Variants in KLHL29 observed in about 807,000 individuals in gnomAD.
KLHL29 encodes kelch-like protein 29.
Under a neutral mutation model 80.4 loss-of-function variants are expected in KLHL29, and 21 were observed. The ratio of observed to expected loss-of-function variants is 0.26; its 90% CI spans 0.19 to 0.38. The LOEUF (loss-of-function observed/expected upper bound fraction) is 0.38. KLHL29 is among the 10% of genes least tolerant of loss of function. KLHL29 has a pLI of 1.00. For missense variants in KLHL29, 867 were observed against 1,223.9 expected (o/e 0.71, Z 4.35); for synonymous variants, 511 against 526.8 (o/e 0.97, Z 0.41).
In KLHL29 at chr2:23,696,254, C is replaced by T; in HGVS notation, c.1925-79C>T. 3 of 1,499,310 alleles carry T rather than the reference C, an allele frequency of 2.0e-6. No individual in the cohort carries two copies. The highest frequency in any genetic ancestry group is 2.7e-6 in the Non-Finnish European group (3 of 1,105,348). The allele number at this position is 1,499,310 out of a possible 1,614,324, so 92.9% of individuals were successfully genotyped here. On this transcript the variant is annotated intron_variant, in intron 10 of 13. Transcript: ENST00000486442. The surrounding 1 kb of genome is among the most constrained non-coding windows in gnomAD (Gnocchi z 5.5). Reference sequence around the variant, plus strand: ...TCTACTTTGCAGGTGAAGCCTTCCTCTGCCCCTGGGGCTGGGCCTGCTGAC... The same window carrying T: ...TCTACTTTGCAGGTGAAGCCTTCCTTTGCCCCTGGGGCTGGGCCTGCTGAC...
intron 5 of KLHL29, among the ~76,000 whole-genome samples, chr2:23,671,523 C>T (rs922662559): frequency 6.6e-6 from 1 of 152,176 alleles, no homozygotes; most frequent in African/African-American, 2.4e-5. Context: ...GCTCCTCATC[C>T]CTTATGGAGG....
chr2:23,406,457 T>C (rs1666735288), intron 1 of KLHL29, among the ~76,000 whole-genome samples: 1 of 152,260 alleles, frequency 6.6e-6, no homozygotes, highest in South Asian at 2.1e-4. Flanking sequence ...ACATGAAATT[T>C]TGCATCTTGC....
intron 2 of KLHL29, among the ~76,000 whole-genome samples, chr2:23,500,973 G>T (rs2103454492): frequency 6.6e-6 from 1 of 152,284 alleles, no homozygotes; most frequent in Admixed American, 6.5e-5. Context: ...GTCTGCGGCG[G>T]AGCATCTCCC....
At chr2:23,659,472 G>T (rs1005840311) in intron 5 of KLHL29, among the ~76,000 whole-genome samples, 2 of 152,174 alleles carry the variant, frequency 1.3e-5, no homozygotes, top group Non-Finnish European at 2.9e-5. Context: ...CAGCCCCAGA[G>T]CCTTGTCCTC....
intron 3 of KLHL29, among the ~76,000 whole-genome samples, chr2:23,631,020 T>C (rs1669453716): frequency 1.3e-5 from 2 of 152,116 alleles, no homozygotes; most frequent in African/African-American, 4.8e-5. Flanking sequence ...TGATTGGTGG[T>C]TTCCACTTAA....
At chr2:23,389,122 G>A (rs1342438234) in intron 1 of KLHL29, among the ~76,000 whole-genome samples, 1 of 151,602 alleles carries the variant, frequency 6.6e-6, no homozygotes, top group African/African-American at 2.4e-5. Flanking sequence ...TTTTCTAGTA[G>A]TGGTCAAAGC....
intron 3 of KLHL29, among the ~76,000 whole-genome samples, chr2:23,629,854 TGA>T (rs1280074368): frequency 2.0e-5 from 3 of 151,856 alleles, no homozygotes; most frequent in African/African-American, 7.3e-5. Context: ...CCAACAATCC[TGA>T]GAGAGGGAGA....
In KLHL29 at chr2:23,543,229, A is replaced by G. The variant is rs533149670; in HGVS notation, c.-45-18923A>G. Among the ~76,000 whole-genome samples, 3 of 152,312 alleles carry G rather than the reference A, an allele frequency of 2.0e-5. No individual in the cohort carries two copies. In the South Asian group the frequency reaches 6.2e-4, roughly 32 times the overall value. ...CGAGTCACTCGCACACACATTCTGC[A>G]CATGTCGGCAAGAACTCATTACACG... On this transcript the variant is annotated intron_variant, in intron 2 of 13. Transcript: ENST00000486442.
At chr2:23,533,564 C>T (rs1053176249) in intron 2 of KLHL29, among the ~76,000 whole-genome samples, 2 of 152,170 alleles carry the variant, frequency 1.3e-5, no homozygotes, top group Non-Finnish European at 2.9e-5. Flanking sequence ...GGCGCTGGCT[C>T]GCAGATCAAA....
In KLHL29 at chr2:23,647,122, T is replaced by A. The variant is rs1329709316; in HGVS notation, c.940+4272T>A. ...CTGGTCAAGCCATTTAACTTAGGGA[T>A]GGGGACCCCTTCCCTAAAAGGGAGG... On this transcript the variant is annotated intron_variant, in intron 5 of 13. Coordinates refer to ENST00000486442, the MANE Select transcript of KLHL29 (RefSeq NM_052920.2). This position sits in a 1 kb window ranked among gnomAD's most constrained non-coding sequence, Gnocchi z 4.9. Among the ~76,000 whole-genome samples the A allele has an allele frequency of 6.6e-6, 1 of 152,162 alleles. No homozygotes were observed. The highest frequency in any genetic ancestry group is 1.5e-5 in the Non-Finnish European group (1 of 68,004).
intron 3 of KLHL29, among the ~76,000 whole-genome samples, chr2:23,631,432 T>G (rs1253562589): frequency 6.6e-6 from 1 of 152,246 alleles, no homozygotes; most frequent in Non-Finnish European, 1.5e-5. Context: ...TAAACCATCA[T>G]GCAGTTTCCG....
At chr2:23,408,569 A>G (rs1006019659) in intron 1 of KLHL29, among the ~76,000 whole-genome samples, 6 of 152,168 alleles carry the variant, frequency 3.9e-5, no homozygotes, top group Admixed American at 2.6e-4. Context: ...TTCTGTCCCA[A>G]CATATTTGCT....
At chr2:23,404,228 C>T (rs1439481426) in intron 1 of KLHL29, among the ~76,000 whole-genome samples, 1 of 151,548 alleles carries the variant, frequency 6.6e-6, no homozygotes, top group Non-Finnish European at 1.5e-5. Context: ...GGTGATGGTT[C>T]CCTGGGAGCA....
At chr2:23,650,411 G>A (rs1297944756) in intron 5 of KLHL29, among the ~76,000 whole-genome samples, 2 of 152,194 alleles carry the variant, frequency 1.3e-5, no homozygotes, top group African/African-American at 2.4e-5. Flanking sequence ...TTGAGATAGG[G>A]TCAGCTAGTG....
rs74900927 is a variant in KLHL29 at position 23,489,137 on chromosome 2, C to T, written c.-46+13470C>T. On this transcript the variant is annotated intron_variant, in intron 2 of 13. Coordinates refer to ENST00000486442, the MANE Select transcript of KLHL29 (RefSeq NM_052920.2). ...GTTTATCACAAAGCAGAGAACATGG[C>T]GTTTCCGTGGGCTCTAACAATGTGA... Among the ~76,000 whole-genome samples the T allele has an allele frequency of 9.5e-3, 1,441 of 152,274 alleles. 23 individuals are homozygous for T. The highest frequency in any genetic ancestry group is 0.032 in the African/African-American group (1,309 of 41,532).
intron 1 of KLHL29, among the ~76,000 whole-genome samples, chr2:23,398,086 A>C (rs955263472): frequency 8.5e-5 from 13 of 152,254 alleles, no homozygotes; most frequent in Non-Finnish European, 1.5e-4. Context: ...TTATCATCTG[A>C]TCCAGCAATT....
At chr2:23,425,209 A>G (rs1420713439) in intron 1 of KLHL29, among the ~76,000 whole-genome samples, 1 of 152,242 alleles carries the variant, frequency 6.6e-6, no homozygotes, top group African/African-American at 2.4e-5. Context: ...CCATGCAAAA[A>G]TGATAAAATG....
At chr2:23,552,761 C>CTTTTTT (rs60558023) in intron 2 of KLHL29, among the ~76,000 whole-genome samples, 4 of 95,572 alleles carry the variant, frequency 4.2e-5, no homozygotes, top group African/African-American at 1.4e-4. Flanking sequence ...GGTTTCTTTT[C>CTTTTTT]TTTTTTTTTT....
chr2:23,465,009 G>A (rs1664307564), intron 1 of KLHL29, among the ~76,000 whole-genome samples: 2 of 152,172 alleles, frequency 1.3e-5, no homozygotes, highest in Non-Finnish European at 2.9e-5. Flanking sequence ...TAAACAGGCT[G>A]CTTGCAGACA....
Sources: allele counts gnomAD v4.1 joint callset (sites outside exome capture counted in the v4.1 genomes callset), GRCh38; gene constraint gnomAD v4.1.1; non-coding constraint Gnocchi (gnomAD v3.1); transcripts MANE v1.5; gene names NCBI Gene and HGNC (gene_info 2026-07-23, HGNC 2026-07-21).